The following GPC6 variants were observed in gnomAD, a reference collection of about 807,000 sequenced individuals.
The protein encoded by GPC6 is glypican 6, also known as glypican-6.
A neutral mutation model predicts 55.2 loss-of-function variants in GPC6; 14 were observed. The observed-to-expected ratio is 0.25, with a 90% CI of 0.17 to 0.40. The LOEUF is 0.40. Ranked by LOEUF, GPC6 falls within the 10% of genes least tolerant of loss-of-function variation. The probability of loss-of-function intolerance (pLI) is 1.00; values close to 1 mark genes in which losing one functional copy is unlikely to be tolerated. For synonymous variants in GPC6, 278 were observed against 259.6 expected, an observed-to-expected ratio of 1.07 and a Z score of -0.68; for missense variants, 641 against 708.5, an observed-to-expected ratio of 0.90 and a Z score of 1.08.
chr13:93,424,693 C>G (rs1391924525), intron 1 of GPC6, among the ~76,000 whole-genome samples: 5 of 151,670 alleles, frequency 3.3e-5, no homozygotes, highest in Non-Finnish European at 7.4e-5. Context: ...GTTGTTTTGT[C>G]TACAGATAAT....
chr13:94,149,259 C>T (rs1887658067), intron 4 of GPC6, among the ~76,000 whole-genome samples: 1 of 152,068 alleles, frequency 6.6e-6, no homozygotes, highest in Non-Finnish European at 1.5e-5. Flanking sequence ...CCCGAAGTCC[C>T]CCAAGAGGAC....
At chr13:93,797,778 A>C (rs1886244182) in intron 2 of GPC6, among the ~76,000 whole-genome samples, 1 of 152,206 alleles carries the variant, frequency 6.6e-6, no homozygotes, top group Non-Finnish European at 1.5e-5. Flanking sequence ...GAGACCATGA[A>C]TTTAAACTGA....
At chr13:94,299,551 G>GC (rs1388916902) in intron 5 of GPC6, among the ~76,000 whole-genome samples, 1 of 152,166 alleles carries the variant, frequency 6.6e-6, no homozygotes, top group Non-Finnish European at 1.5e-5. Flanking sequence ...GATTAGTAGT[G>GC]CCCCTGCAGA....
chr13:93,871,311 A>G (rs1168557021), intron 3 of GPC6, among the ~76,000 whole-genome samples: 3 of 151,982 alleles, frequency 2.0e-5, no homozygotes, highest in African/African-American at 7.2e-5. Flanking sequence ...TGAGGATTAA[A>G]TAAGAAATTA....
intron 1 of GPC6, among the ~76,000 whole-genome samples, chr13:93,488,067 C>A (rs903297163): frequency 1.3e-5 from 2 of 152,032 alleles, no homozygotes; most frequent in Non-Finnish European, 2.9e-5. Context: ...TGTGCTGCAC[C>A]CACTAACTCG....
chr13:93,662,842 A>G (rs1412245185), intron 2 of GPC6, among the ~76,000 whole-genome samples: 1 of 152,138 alleles, frequency 6.6e-6, no homozygotes, highest in East Asian at 1.9e-4. Flanking sequence ...AAATAGAAAA[A>G]AAATTGAAAT....
intron 6 of GPC6, among the ~76,000 whole-genome samples, chr13:94,370,222 T>C (rs1413285188): frequency 6.6e-6 from 1 of 152,230 alleles, no homozygotes; most frequent in East Asian, 1.9e-4. Flanking sequence ...ATTATTCTGC[T>C]TCCTAATCTT....
intron 1 of GPC6, among the ~76,000 whole-genome samples, chr13:93,393,127 T>TATATATATATATATATATAG (rs1230857277): frequency 1.1e-5 from 1 of 87,624 alleles, no homozygotes; most frequent in South Asian, 3.9e-4. Context: ...TATATATATA[T>TATATATATATATATATATAG]AGAGAGAGAG....
chr13:93,510,277 GT>G (rs763960360), intron 1 of GPC6, among the ~76,000 whole-genome samples: 1 of 152,016 alleles, frequency 6.6e-6, no homozygotes, highest in African/African-American at 2.4e-5. Context: ...CTAACTATAT[GT>G]TTGTATCCTT....
At chr13:93,865,056 A>T (rs1888919626) in intron 3 of GPC6, among the ~76,000 whole-genome samples, 1 of 151,732 alleles carries the variant, frequency 6.6e-6, no homozygotes, top group South Asian at 2.1e-4. Context: ...TGGGCATTTC[A>T]TCACAATTGG....
chr13:93,416,700 C>T (rs564807344), intron 1 of GPC6, among the ~76,000 whole-genome samples: 18 of 152,212 alleles, frequency 1.2e-4, no homozygotes, highest in African/African-American at 4.3e-4. Flanking sequence ...CATCAACCCT[C>T]CACTACCCTT....
At chr13:94,164,747 G>T (rs542979569) in intron 4 of GPC6, among the ~76,000 whole-genome samples, 1 of 152,114 alleles carries the variant, frequency 6.6e-6, no homozygotes, top group African/African-American at 2.4e-5. Context: ...CTCTCACTCT[G>T]CTACCTATGG....
chr13:93,901,521 C>T (rs951166157), intron 3 of GPC6, among the ~76,000 whole-genome samples: 2 of 151,846 alleles, frequency 1.3e-5, no homozygotes, highest in Non-Finnish European at 2.9e-5. Context: ...GTTCTGAAAC[C>T]AATTGTTTGA....
At chr13:93,855,164 C>G (rs1355994960) in intron 3 of GPC6, among the ~76,000 whole-genome samples, 2 of 151,806 alleles carry the variant, frequency 1.3e-5, no homozygotes, top group African/African-American at 4.8e-5. Flanking sequence ...TGAAAACTCT[C>G]TATGTCCCAC....
intron 2 of GPC6, among the ~76,000 whole-genome samples, chr13:93,553,944 G>C (rs536418818): frequency 1.5e-4 from 22 of 146,854 alleles, no homozygotes; most frequent in Non-Finnish European, 5.9e-5. Context: ...AGACCAGCCT[G>C]GACAACATGG....
Position 93,574,311 on chromosome 13 carries a change from C to T in GPC6, c.319+28890C>T, listed in dbSNP as rs559686845. Among the ~76,000 whole-genome samples the T allele has an allele frequency of 3.4e-4, 51 of 152,178 alleles. No homozygotes were observed. In the South Asian group the frequency reaches 3.7e-3, roughly 11 times the overall value. ...AATAGCTTTATAAGAAAAGATAGAA[C>T]CACACAGGCAAAAGGCTGCTATAAG... On this transcript the variant is annotated intron_variant, in intron 2 of 8. Transcript: ENST00000377047.
chr13:93,516,656 A>G (rs1026917061), intron 1 of GPC6, among the ~76,000 whole-genome samples: 13 of 152,180 alleles, frequency 8.5e-5, no homozygotes, highest in Admixed American at 6.6e-4. Flanking sequence ...ATAGAACAAC[A>G]TGGGATATCC....
intron 1 of GPC6, among the ~76,000 whole-genome samples, chr13:93,231,380 CATATATATATATATATGTATATATATAT>C: frequency 3.2e-5 from 1 of 30,932 alleles, no homozygotes; most frequent in South Asian, 1.1e-3. Context: ...TATATATATA[CATATATATATATATATGTATATATATAT>C]ATATATATAT....
chr13:93,632,149 G>A (rs1401246887), intron 2 of GPC6, among the ~76,000 whole-genome samples: 2 of 152,154 alleles, frequency 1.3e-5, no homozygotes, highest in Non-Finnish European at 2.9e-5. Context: ...ACATTGGATT[G>A]CCTCAAATCC....
Sources: gnomAD v4.1 joint callset for allele counts (sites outside exome capture counted in the v4.1 genomes callset) on GRCh38, gnomAD v4.1.1 for gene constraint, MANE v1.5 for transcripts, NCBI Gene and HGNC (gene_info 2026-07-23, HGNC 2026-07-21) for gene names.